PSD2: variants seen among roughly 807,000 people sequenced by gnomAD.
The protein encoded by PSD2 is pleckstrin and Sec7 domain containing 2.
Under a neutral mutation model 69.8 loss-of-function variants are expected in PSD2, and 38 were observed. The observed-to-expected ratio is 0.54, with a 90% CI of 0.42 to 0.71. The LOEUF (loss-of-function observed/expected upper bound fraction) is 0.71, where lower values mean the gene tolerates loss of function less well. Among genes scored for constraint, PSD2 ranks in the 30% least tolerant of loss-of-function variants. The pLI is 0.00. For synonymous variants in PSD2, 412 were observed against 423.0 expected (o/e 0.97, Z 0.32); for missense variants, 943 against 1,014.5 (o/e 0.93, Z 0.96).
the PSD2 span, among the ~76,000 whole-genome samples, chr5:139,766,930 C>CTTCT: frequency 0.033 from 1,466 of 43,868 alleles, 28 homozygotes; most frequent in East Asian, 0.054. Flanking sequence ...CCTTCCTTCC[C>CTTCT]TTCTTTCTTT....
At position 139,837,701 on chromosome 5, in the gene PSD2, C is replaced by T; in HGVS notation, c.1742C>T (p.Thr581Ile). The change falls in exon 12 of 15, where the codon ACC (threonine) becomes ATC (isoleucine). Residue 581 changes from threonine to isoleucine, a missense_variant. Around this residue, in one of 3 missense-constraint regions of PSD2, gnomAD observed 312 missense variants for 400.7 expected, o/e 0.78. Coordinates refer to ENST00000274710, the MANE Select transcript of PSD2 (RefSeq NM_032289.4). This position sits in a 1 kb window ranked among gnomAD's most constrained non-coding sequence, Gnocchi z 5.0. ...NAIRVHHALA[T>I]RASDYSKKSN... ...ATTCGCGTGCATCACGCTCTGGCCA[C>T]CAGGGCCTCTGACTACAGCAAGAAG... The T allele has an allele frequency of 1.2e-6, 2 of 1,614,096 alleles. No homozygotes were observed. The highest frequency in any genetic ancestry group is 2.2e-5 in the South Asian group (2 of 91,084).
At chr5:139,758,100 G>A in the PSD2 span, among the ~76,000 whole-genome samples, 27 of 152,290 alleles carry the variant, frequency 1.8e-4, no homozygotes, top group Non-Finnish European at 3.5e-4. Context: ...AACTTGGGTT[G>A]GGTTAGTCTG....
intron 1 of PSD2, among the ~76,000 whole-genome samples, chr5:139,796,527 G>A (rs1759533340): frequency 6.6e-6 from 1 of 152,240 alleles, no homozygotes; most frequent in South Asian, 2.1e-4. Flanking sequence ...CTAGAGCGGG[G>A]GCTCGCACGG....
the PSD2 span, among the ~76,000 whole-genome samples, chr5:139,775,934 G>A: frequency 6.6e-6 from 1 of 152,216 alleles, no homozygotes; most frequent in Non-Finnish European, 1.5e-5. Flanking sequence ...CTCCCAAAAT[G>A]CTGGGATTAC....
chr5:139,749,841 C>T, the PSD2 span, among the ~76,000 whole-genome samples: 28 of 110,590 alleles, frequency 2.5e-4, no homozygotes, highest in African/African-American at 1.1e-3. Flanking sequence ...ACAAAACAAA[C>T]AAACAAACAA....
At chr5:139,775,111 C>T in the PSD2 span, among the ~76,000 whole-genome samples, 3 of 152,322 alleles carry the variant, frequency 2.0e-5, no homozygotes, top group African/African-American at 7.2e-5. Context: ...GAACCCATAC[C>T]CAGGAGGTGA....
In PSD2 at chr5:139,837,610, T is replaced by C. The variant is rs376311269; in HGVS notation, c.1666-15T>C. On this transcript the variant is annotated splice_polypyrimidine_tract_variant and intron_variant, in intron 11 of 14. Transcript: ENST00000274710. This position sits in a 1 kb window ranked among gnomAD's most constrained non-coding sequence, Gnocchi z 5.0. ...TGGGTCAGTGACCCTAGCTCGCCCA[T>C]CCTGCCCCACCCAGGATGAGTACAG... is the stretch of plus-strand genomic sequence containing the variant. 3.8e-6 allele frequency: 6 copies of C among 1,587,496 alleles called. No homozygotes were observed. Among genetic ancestry groups the C allele is most frequent in the Non-Finnish European group, 5.2e-6 (6 of 1,160,580 alleles).
chr5:139,807,446 A>C (rs1468152854), intron 1 of PSD2, among the ~76,000 whole-genome samples: 3 of 151,686 alleles, frequency 2.0e-5, no homozygotes, highest in Admixed American at 2.0e-4. Flanking sequence ...TTGAAATAGC[A>C]ACTACAGCAG....
intron 8 of PSD2, 27 bp from the exon 9 acceptor site, chr5:139,835,695 TC>T: frequency 1.2e-6 from 2 of 1,612,104 alleles, no homozygotes; most frequent in Non-Finnish European, 1.7e-6. Flanking sequence ...TCACCTGAAT[TC>T]CCCCCTCTCT....
chr5:139,775,040 C>T, the PSD2 span, among the ~76,000 whole-genome samples: 1 of 152,166 alleles, frequency 6.6e-6, no homozygotes, highest in East Asian at 1.9e-4. Context: ...TGCCATTGGC[C>T]GCCCCAGCCA....
In PSD2 at chr5:139,813,587, A is replaced by G. The variant is rs147846300; in HGVS notation, c.650A>G (p.Glu217Gly). The change falls in exon 3 of 15, where the codon GAG (glutamate) becomes GGG (glycine). Residue 217 changes from glutamate (E) to glycine (G), a missense_variant. Transcript: ENST00000274710. Reference protein sequence around the residue: ...GDMGAAGGDGELGSPLRRSIS... With the variant: ...GDMGAAGGDGGLGSPLRRSIS... ...ATGGGGGCAGCTGGTGGTGATGGGGAGCTGGGCAGCCCCCTGCGGCGCTCC... is the reference window on the plus strand; with the variant it reads ...ATGGGGGCAGCTGGTGGTGATGGGGGGCTGGGCAGCCCCCTGCGGCGCTCC... The G allele has an allele frequency of 5.9e-5, 96 of 1,613,574 alleles. No homozygotes were observed. The Middle Eastern group carries it at 9.9e-4, about 17-fold the overall frequency.
At chr5:139,755,917 AAAAAG>A in the PSD2 span, among the ~76,000 whole-genome samples, 2 of 152,156 alleles carry the variant, frequency 1.3e-5, no homozygotes, top group African/African-American at 4.8e-5. Flanking sequence ...GTATACTTAA[AAAAAG>A]CACAATGCAA....
chr5:139,836,719 G>A (rs1760727641), intron 9 of PSD2, 92 bp from the exon 10 acceptor site: 1 of 1,134,536 alleles, frequency 8.8e-7, no homozygotes, highest in Non-Finnish European at 1.3e-6. Context: ...CCATGACCCT[G>A]GCTCCTGGAG....
At chr5:139,835,594 G>T in intron 8 of PSD2, 129 bp from the exon 9 acceptor site, 1 of 879,432 alleles carries the variant, frequency 1.1e-6, no homozygotes, top group South Asian at 1.5e-5. Context: ...AAATAAGTAT[G>T]AATCAAACAC....
At chr5:139,767,061 C>T in the PSD2 span, among the ~76,000 whole-genome samples, 7 of 149,958 alleles carry the variant, frequency 4.7e-5, no homozygotes, top group Non-Finnish European at 8.9e-5. Flanking sequence ...GGCACAATCT[C>T]GGCTCACTGC....
the PSD2 span, among the ~76,000 whole-genome samples, chr5:139,760,044 C>T: frequency 6.6e-6 from 1 of 152,240 alleles, no homozygotes; most frequent in African/African-American, 2.4e-5. Flanking sequence ...CAGGTTGTAG[C>T]CCACTGTCCA....
chr5:139,777,580 C>A, the PSD2 span, among the ~76,000 whole-genome samples: 1 of 152,076 alleles, frequency 6.6e-6, no homozygotes, highest in Non-Finnish European at 1.5e-5. Context: ...TTCCAAAGGC[C>A]ATGCTAGAAA....
At chr5:139,789,993 CCGGG>C in the PSD2 span, among the ~76,000 whole-genome samples, 3 of 148,214 alleles carry the variant, frequency 2.0e-5, no homozygotes, top group African/African-American at 7.3e-5. Context: ...CAGCACGGGG[CCGGG>C]CGGGCGCTGA....
the PSD2 span, among the ~76,000 whole-genome samples, chr5:139,776,670 C>CT: frequency 0.097 from 12,906 of 132,900 alleles, 663 homozygotes; most frequent in African/African-American, 0.12. Context: ...TTCTGAGCTG[C>CT]TTTTTTTTTT....
Sources: gnomAD v4.1 joint callset for allele counts (sites outside exome capture counted in the v4.1 genomes callset) on GRCh38, gnomAD v4.1.1 for gene constraint, gnomAD v4.1.1 regional missense constraint, Gnocchi (gnomAD v3.1) non-coding constraint, MANE v1.5 for transcripts, NCBI Gene and HGNC (gene_info 2026-07-23, HGNC 2026-07-21) for gene names.